The following ST18 variants were observed in gnomAD, a reference collection of about 807,000 sequenced individuals.
The protein encoded by ST18 is suppression of tumorigenicity 18 protein.
A neutral mutation model predicts 110.0 loss-of-function variants in ST18; 50 were observed. The ratio of observed to expected loss-of-function variants is 0.45; its 90% CI spans 0.36 to 0.58. The LOEUF (loss-of-function observed/expected upper bound fraction) is 0.58, where lower values mean the gene tolerates loss of function less well. Ranked by LOEUF, ST18 falls within the 20% of genes least tolerant of loss-of-function variation. The pLI is 0.00. For missense variants in ST18, 1,306 were observed against 1,280.1 expected (o/e 1.02, Z -0.31); for synonymous variants, 461 against 452.4 (o/e 1.02, Z -0.24).
chr8:52,360,687 G>T (rs1007765757), intron 2 of ST18, among the ~76,000 whole-genome samples: 1 of 152,038 alleles, frequency 6.6e-6, no homozygotes, highest in Non-Finnish European at 1.5e-5. Context: ...AGTATTTTTC[G>T]ATTTATTTTA....
At chr8:52,159,603 A>G (rs2133082996) in intron 14 of ST18, among the ~76,000 whole-genome samples, 1 of 152,280 alleles carries the variant, frequency 6.6e-6, no homozygotes, top group Non-Finnish European at 1.5e-5. Flanking sequence ...TATTTTTATT[A>G]TTTGATATGC....
At chr8:52,255,131 T>C (rs2094483246) in intron 2 of ST18, among the ~76,000 whole-genome samples, 1 of 152,102 alleles carries the variant, frequency 6.6e-6, no homozygotes, top group African/African-American at 2.4e-5. Context: ...TGGAGCTTAG[T>C]AAAGCTTTAT....
At chr8:52,293,499 T>C (rs1348440719) in intron 2 of ST18, among the ~76,000 whole-genome samples, 4 of 152,196 alleles carry the variant, frequency 2.6e-5, no homozygotes, top group Non-Finnish European at 5.9e-5. Flanking sequence ...AAAATAAAAG[T>C]GAAAGGAAAA....
intron 2 of ST18, among the ~76,000 whole-genome samples, chr8:52,301,014 A>G (rs1047445513): frequency 6.6e-6 from 1 of 152,254 alleles, no homozygotes; most frequent in East Asian, 1.9e-4. Flanking sequence ...GTAAATATCA[A>G]TGAAACAAAT....
chr8:52,166,182 T>C (rs2062917696), intron 11 of ST18, among the ~76,000 whole-genome samples: 1 of 152,226 alleles, frequency 6.6e-6, no homozygotes, highest in African/African-American at 2.4e-5. Context: ...CACAGTTTAA[T>C]AACCATGACT....
intron 2 of ST18, among the ~76,000 whole-genome samples, chr8:52,359,621 C>A (rs1398019417): frequency 6.6e-5 from 10 of 152,046 alleles, no homozygotes; most frequent in Non-Finnish European, 1.3e-4. Flanking sequence ...ATCAAAGCAG[C>A]ACAGAGAGAT....
intron 22 of ST18, among the ~76,000 whole-genome samples, chr8:52,129,832 G>C (rs2048511993): frequency 6.6e-6 from 1 of 151,964 alleles, no homozygotes; most frequent in Admixed American, 6.6e-5. Flanking sequence ...ATCACCTGAG[G>C]TCAGGAGTTC....
chr8:52,171,369 C>T (rs2064902396), intron 10 of ST18, among the ~76,000 whole-genome samples: 2 of 152,118 alleles, frequency 1.3e-5, no homozygotes, highest in African/African-American at 4.8e-5. Flanking sequence ...TAGGTTTATC[C>T]CAAAAAGGAC....
intron 2 of ST18, among the ~76,000 whole-genome samples, chr8:52,367,422 G>GA (rs1364639505): frequency 1.3e-5 from 2 of 151,744 alleles, no homozygotes; most frequent in East Asian, 3.9e-4. Flanking sequence ...ACTTTGTCTC[G>GA]AAAAAATAAA....
intron 23 of ST18, among the ~76,000 whole-genome samples, chr8:52,124,761 T>C (rs2046340873): frequency 6.6e-6 from 1 of 151,934 alleles, no homozygotes; most frequent in Admixed American, 6.6e-5. Flanking sequence ...TACACTCCCC[T>C]CCTTTGGCGC....
intron 2 of ST18, among the ~76,000 whole-genome samples, chr8:52,390,093 T>C (rs552274521): frequency 6.6e-6 from 1 of 152,194 alleles, no homozygotes; most frequent in African/African-American, 2.4e-5. Flanking sequence ...AGGAAACCAA[T>C]GGCTCTAAGA....
At chr8:52,304,414 A>G (rs2095781843) in intron 2 of ST18, among the ~76,000 whole-genome samples, 1 of 152,242 alleles carries the variant, frequency 6.6e-6, no homozygotes, top group Non-Finnish European at 1.5e-5. Flanking sequence ...TCAGAGAATT[A>G]AAGTGTAGAT....
chr8:52,388,803 C>G (rs12679286), intron 2 of ST18, among the ~76,000 whole-genome samples: 2 of 116,898 alleles, frequency 1.7e-5, no homozygotes, highest in African/African-American at 3.4e-5. Flanking sequence ...CATCACACTC[C>G]GGGGACTGTT....
At chr8:52,214,834 G>A (rs2083525451) in intron 6 of ST18, among the ~76,000 whole-genome samples, 1 of 152,138 alleles carries the variant, frequency 6.6e-6, no homozygotes, top group East Asian at 1.9e-4. Context: ...TCATTCAAAT[G>A]TATAAGGAAA....
chr8:52,151,978 G>A (rs569332136), intron 15 of ST18, among the ~76,000 whole-genome samples: 1 of 152,286 alleles, frequency 6.6e-6, no homozygotes, highest in South Asian at 2.1e-4. Flanking sequence ...ATATATTTTA[G>A]TTTTTACAGG....
chr8:52,309,453 G>A (rs1224739297), intron 2 of ST18, among the ~76,000 whole-genome samples: 1 of 148,832 alleles, frequency 6.7e-6, no homozygotes, highest in Non-Finnish European at 1.5e-5. Context: ...CCTGGGAAGT[G>A]GAGTTTGCAG....
At chr8:52,360,349 C>T (rs530314300) in intron 2 of ST18, among the ~76,000 whole-genome samples, 3 of 151,808 alleles carry the variant, frequency 2.0e-5, no homozygotes, top group South Asian at 2.1e-4. Flanking sequence ...TAAATAAATG[C>T]TTTATTTAGG....
chr8:52,284,172 T>TGGAATTCTGGGTTTTA (rs2095431707), intron 2 of ST18, among the ~76,000 whole-genome samples: 1 of 152,214 alleles, frequency 6.6e-6, no homozygotes, highest in South Asian at 2.1e-4. Context: ...AGGCTGATTA[T>TGGAATTCTGGGTTTTA]GGAATTCTGG....
rs535700316 is a variant in ST18, at chr8:52,386,860, C to T, written c.-465+22468G>A. 2.6e-3 allele frequency among the ~76,000 whole-genome samples: 403 copies of T among 152,244 alleles called. 1 individual carries two copies. Among genetic ancestry groups the T allele is most frequent in the Middle Eastern group, 0.017 (5 of 294 alleles). ...GATCATAACACATTTTCTTACCATC[C>T]TGTAGGTTTTCTGTTCCTCAAATCC... On this transcript the variant is annotated intron_variant, in intron 2 of 25. Transcript: ENST00000689386.
Sources: allele counts gnomAD v4.1 joint callset (sites outside exome capture counted in the v4.1 genomes callset), GRCh38; gene constraint gnomAD v4.1.1; transcripts MANE v1.5; gene names NCBI Gene and HGNC (gene_info 2026-07-23, HGNC 2026-07-21).